Variants in PRUNE2 observed in about 807,000 individuals in gnomAD.
PRUNE2 encodes prune homolog 2 with BCH domain.
PRUNE2 carries 164 observed loss-of-function variants against 252.0 expected under a neutral mutation model. That is an observed-to-expected ratio of 0.65 (90% CI 0.57 to 0.74). The LOEUF (loss-of-function observed/expected upper bound fraction) is 0.74, where lower values mean the gene tolerates loss of function less well. Ranked by LOEUF, PRUNE2 falls within the 30% of genes least tolerant of loss-of-function variation. The probability of loss-of-function intolerance (pLI) is 0.00; values close to 1 mark genes in which losing one functional copy is unlikely to be tolerated. For missense variants in PRUNE2, 3,495 were observed against 3,711.0 expected (o/e 0.94, Z 1.51); for synonymous variants, 1,292 against 1,350.2 (o/e 0.96, Z 0.94).
intron 6 of PRUNE2, among the ~76,000 whole-genome samples, chr9:76,748,107 T>C (rs1274569419): frequency 6.6e-6 from 1 of 152,174 alleles, no homozygotes; most frequent in East Asian, 1.9e-4. Flanking sequence ...ACTTCTCTTA[T>C]ACTAGGAATT....
chr9:76,644,959 G>A (rs779748799), intron 11 of PRUNE2, 50 bp from the exon 12 acceptor site: 8 of 1,550,768 alleles, frequency 5.2e-6, no homozygotes, highest in Non-Finnish European at 6.1e-6. Flanking sequence ...GACCTCCACA[G>A]TGCAGCTAAA....
Position 76,709,018 on chromosome 9 carries a change from G to T in PRUNE2, c.3256C>A (p.Gln1086Lys). The T allele has an allele frequency of 6.2e-7, 1 of 1,613,948 alleles. No individual in the cohort carries two copies. Among genetic ancestry groups the T allele is most frequent in the Middle Eastern group, 1.6e-4 (1 of 6,062 alleles). The change falls in exon 8 of 19, where the codon CAA (glutamine) becomes AAA (lysine). Residue 1086 changes from glutamine (Q) to lysine (K), a missense_variant. Transcript: ENST00000376718. The part of the protein sequence containing the change: ...QSSYDDPSMM[Q>K]LYNETNRQLT... ...TGTCGGTTTGTTTCATTGTACAGTT[G>T]CATCATGCTGGGGTCGTCGTAACTG...
At position 76,705,389 on chromosome 9, in the gene PRUNE2, G is replaced by A. The variant is rs761460401; in HGVS notation, c.6885C>T (p.Ser2295=). The change falls in exon 8 of 19, where the codon AGC becomes AGT. Residue 2295 remains serine (S), a synonymous_variant. Transcript: ENST00000376718. The part of the protein sequence containing the change: ...LLASDTCLDI[S]EAAFDHSFSD... Reference sequence around the variant, plus strand: ...TGAAACTGTGGTCAAAGGCAGCTTCGCTTATATCCAGACAAGTGTCTGAGG... The same window carrying A: ...TGAAACTGTGGTCAAAGGCAGCTTCACTTATATCCAGACAAGTGTCTGAGG... 1.1e-5 allele frequency: 17 copies of A among 1,613,818 alleles called. No individual in the cohort carries two copies. Among genetic ancestry groups the A allele is most frequent in the South Asian group, 2.2e-5 (2 of 91,074 alleles).
Position 76,709,425 on chromosome 9 carries a change from C to A in PRUNE2, c.2849G>T (p.Ser950Ile), listed in dbSNP as rs1161983221. 3.1e-6 allele frequency: 5 copies of A among 1,613,992 alleles called. No homozygotes were observed. Among genetic ancestry groups the A allele is most frequent in the Non-Finnish European group, 3.4e-6 (4 of 1,179,874 alleles). ...CGAATCTTCTCCTAGGTTGGATGCA[C>A]TGTAATCAGAACATTTGTAAGATAA... ...SFLSYKCSDYSASNLGEDSVP... is the reference protein window; with the variant it reads ...SFLSYKCSDYIASNLGEDSVP... The change falls in exon 8 of 19, where the codon AGT (serine) becomes ATT (isoleucine). Residue 950 changes from serine to isoleucine, a missense_variant. Coordinates refer to ENST00000376718, the MANE Select transcript of PRUNE2 (RefSeq NM_015225.3).
intron 5 of PRUNE2, among the ~76,000 whole-genome samples, chr9:76,825,439 T>C (rs2058289860): frequency 6.6e-6 from 1 of 152,224 alleles, no homozygotes; most frequent in South Asian, 2.1e-4. Context: ...ACTTGCTTGC[T>C]GAAGCATTCC....
At chr9:76,746,420 G>C (rs1311378109) in intron 6 of PRUNE2, among the ~76,000 whole-genome samples, 1 of 152,144 alleles carries the variant, frequency 6.6e-6, no homozygotes, top group Admixed American at 6.5e-5. Flanking sequence ...AAACCCCAAA[G>C]AGCGGCCGGG....
At chr9:76,777,490 A>G (rs567525190) in intron 6 of PRUNE2, among the ~76,000 whole-genome samples, 1 of 152,322 alleles carries the variant, frequency 6.6e-6, no homozygotes, top group East Asian at 1.9e-4. Context: ...GACTGAAGAA[A>G]TGAATTTCAG....
intron 17 of PRUNE2, among the ~76,000 whole-genome samples, chr9:76,621,060 T>G (rs563280534): frequency 2.6e-5 from 4 of 152,014 alleles, no homozygotes; most frequent in Non-Finnish European, 5.9e-5. Context: ...GTTTGAGTGG[T>G]GGTATGTGTG....
chr9:76,695,576 G>C (rs544513985), intron 9 of PRUNE2, among the ~76,000 whole-genome samples: 65 of 152,290 alleles, frequency 4.3e-4, no homozygotes, highest in African/African-American at 1.3e-3. Flanking sequence ...GAAAAAGATG[G>C]ATTTGGTAAC....
chr9:76,776,595 A>C (rs2053793564), intron 6 of PRUNE2, among the ~76,000 whole-genome samples: 1 of 147,820 alleles, frequency 6.8e-6, no homozygotes, highest in Admixed American at 6.8e-5. Flanking sequence ...GCTCACTGCA[A>C]CATCCGCCTC....
chr9:76,701,603 C>T (rs1191665970), intron 9 of PRUNE2, among the ~76,000 whole-genome samples: 1 of 152,050 alleles, frequency 6.6e-6, no homozygotes, highest in South Asian at 2.1e-4. Context: ...TTTCTGATAA[C>T]GGATCTGGGG....
At chr9:76,752,557 T>C (rs1005753840) in intron 6 of PRUNE2, among the ~76,000 whole-genome samples, 2 of 152,072 alleles carry the variant, frequency 1.3e-5, no homozygotes, top group African/African-American at 4.8e-5. Context: ...GGAAGTAAAA[T>C]TTTCTCCTTA....
At position 76,636,525 on chromosome 9, in the gene PRUNE2, A is replaced by G. The variant is rs1474163684; in HGVS notation, c.8996T>C (p.Val2999Ala). Residue 2999 changes from valine (V) to alanine (A), a missense_variant, in exon 15 of 19, where the codon GTT becomes GCT. Physicochemically the swap from Val to Ala is moderately conservative, Grantham distance 64. Coordinates refer to ENST00000376718, the MANE Select transcript of PRUNE2 (RefSeq NM_015225.3). ...TGTTCTGATGAACCAAGATGGATGA[A>G]CAATGATGAATGATTTCAAATTCTT... ...LRKNLKSFII[V>A]HPSWFIRTIL... 3.2e-6 allele frequency: 5 copies of G among 1,556,438 alleles called. No homozygotes were observed. In the African/African-American group the frequency reaches 5.4e-5, roughly 17 times the overall value.
intron 1 of PRUNE2, among the ~76,000 whole-genome samples, chr9:76,874,966 A>G (rs902381013): frequency 6.6e-6 from 1 of 152,148 alleles, no homozygotes; most frequent in African/African-American, 2.4e-5. Context: ...TTTCTTGTCA[A>G]TGATCTTTCT....
At chr9:76,800,051 TTC>T (rs1437437191) in intron 6 of PRUNE2, among the ~76,000 whole-genome samples, 6 of 151,866 alleles carry the variant, frequency 4.0e-5, no homozygotes, top group African/African-American at 1.2e-4. Flanking sequence ...CCCTCTCTCT[TTC>T]TTTTTTTTTA....
intron 9 of PRUNE2, among the ~76,000 whole-genome samples, chr9:76,671,604 G>A (rs2041491234): frequency 6.6e-6 from 1 of 152,164 alleles, no homozygotes; most frequent in Non-Finnish European, 1.5e-5. Context: ...ATAATTGTCA[G>A]ATTCACCAAA....
chr9:76,616,898 G>T (rs939702652), intron 18 of PRUNE2, among the ~76,000 whole-genome samples: 1 of 151,844 alleles, frequency 6.6e-6, no homozygotes, highest in Non-Finnish European at 1.5e-5. Flanking sequence ...TTTGGAACAT[G>T]AAGAAATTCA....
chr9:76,670,265 T>C (rs772443455), intron 9 of PRUNE2, among the ~76,000 whole-genome samples: 5 of 152,190 alleles, frequency 3.3e-5, no homozygotes, highest in African/African-American at 1.2e-4. Context: ...GGGAGTTCCC[T>C]TTCTGAGTCA....
chr9:76,743,355 T>G (rs568419667), intron 6 of PRUNE2, among the ~76,000 whole-genome samples: 1 of 152,346 alleles, frequency 6.6e-6, no homozygotes, highest in African/African-American at 2.4e-5. Context: ...TCTATAGTTT[T>G]GAGAAGCTAG....
Sources: allele counts gnomAD v4.1 joint callset (sites outside exome capture counted in the v4.1 genomes callset), GRCh38; gene constraint gnomAD v4.1.1; transcripts MANE v1.5; gene names NCBI Gene and HGNC (gene_info 2026-07-23, HGNC 2026-07-21).